The following MAML2 variants were observed in gnomAD, a reference collection of about 807,000 sequenced individuals.
The protein encoded by MAML2 is mastermind-like protein 2.
In MAML2, 22 loss-of-function variants were observed where a neutral mutation model predicts 96.1. The ratio of observed to expected loss-of-function variants is 0.23; its 90% CI spans 0.16 to 0.33. MAML2 has a LOEUF of 0.33. MAML2 is among the 10% of genes least tolerant of loss of function. MAML2 has a pLI of 1.00. For synonymous variants in MAML2, 561 were observed against 521.3 expected, an observed-to-expected ratio of 1.08 and a Z score of -1.04; for missense variants, 1,367 against 1,392.4, an observed-to-expected ratio of 0.98 and a Z score of 0.29.
intron 1 of MAML2, among the ~76,000 whole-genome samples, chr11:96,333,245 A>G (rs1017873630): frequency 6.6e-6 from 1 of 152,210 alleles, no homozygotes; most frequent in Non-Finnish European, 1.5e-5. Context: ...AGGAAGCAAG[A>G]ACACTGTTAA....
chr11:96,018,641 G>C (rs910215454), intron 2 of MAML2, among the ~76,000 whole-genome samples: 11 of 152,334 alleles, frequency 7.2e-5, no homozygotes, highest in Non-Finnish European at 1.5e-4. Flanking sequence ...CCGTCGCCCA[G>C]GCTGGAGTGC....
At position 95,976,817 on chromosome 11, in the gene MAML2, G is replaced by A. The variant is rs1857658413; in HGVS notation, c.*2131C>T. On this transcript the variant is annotated 3_prime_UTR_variant, in exon 5 of 5. Coordinates refer to ENST00000524717, the MANE Select transcript of MAML2 (RefSeq NM_032427.4). ...CAGATATATACAGTAACATGGAGGA[G>A]CCATACAACAAAAGCGTTTATATGT... 1 of 186,130 alleles carries A rather than the reference G, an allele frequency of 5.4e-6. No individual in the cohort carries two copies. 11.5% of individuals were successfully genotyped at this position (186,130 alleles called of 1,614,324 possible). A position where few individuals can be genotyped will look rare whatever the true frequency, so the allele number is the denominator to read the frequency against.
chr11:96,162,063 C>T (rs1861113194), intron 1 of MAML2, among the ~76,000 whole-genome samples: 1 of 152,082 alleles, frequency 6.6e-6, no homozygotes, highest in Non-Finnish European at 1.5e-5. Flanking sequence ...GCTGAGAAGA[C>T]ATCCCAGACC....
At chr11:96,168,541 G>T (rs753614821) in intron 1 of MAML2, among the ~76,000 whole-genome samples, 3 of 152,124 alleles carry the variant, frequency 2.0e-5, no homozygotes, top group Non-Finnish European at 4.4e-5. Context: ...TTTCTGATTT[G>T]GTAATTTTGG....
intron 1 of MAML2, among the ~76,000 whole-genome samples, chr11:96,113,099 T>G (rs1478756186): frequency 6.6e-6 from 1 of 151,974 alleles, no homozygotes; most frequent in Non-Finnish European, 1.5e-5. Context: ...AAAAGGATAG[T>G]TTTTCTAGAA....
At chr11:96,338,848 T>G (rs2136022444) in intron 1 of MAML2, among the ~76,000 whole-genome samples, 1 of 152,274 alleles carries the variant, frequency 6.6e-6, no homozygotes, top group South Asian at 2.1e-4. Flanking sequence ...CCTTTTAAAA[T>G]TAATAGCATA....
chr11:96,144,582 T>C (rs909352749), intron 1 of MAML2, among the ~76,000 whole-genome samples: 3 of 152,164 alleles, frequency 2.0e-5, no homozygotes, highest in Non-Finnish European at 4.4e-5. Context: ...CCTTAGAAGA[T>C]TAGAAGAGAG....
At chr11:96,160,470 C>G (rs557109099) in intron 1 of MAML2, among the ~76,000 whole-genome samples, 13 of 150,640 alleles carry the variant, frequency 8.6e-5, no homozygotes, top group Non-Finnish European at 1.8e-4. Flanking sequence ...CTCTGTCACC[C>G]AGGCTGGAGT....
chr11:96,258,378 T>C (rs1862698014), intron 1 of MAML2, among the ~76,000 whole-genome samples: 1 of 152,222 alleles, frequency 6.6e-6, no homozygotes, highest in Non-Finnish European at 1.5e-5. Context: ...ATGTGGATTA[T>C]ATTTTCTAGT....
At chr11:96,269,398 G>A (rs1862881651) in intron 1 of MAML2, among the ~76,000 whole-genome samples, 1 of 144,962 alleles carries the variant, frequency 6.9e-6, no homozygotes, top group African/African-American at 2.6e-5. Flanking sequence ...TAACATGGTT[G>A]TTACTGAAGG....
chr11:96,098,323 G>A (rs191937966), intron 1 of MAML2, among the ~76,000 whole-genome samples: 1 of 152,332 alleles, frequency 6.6e-6, no homozygotes, highest in African/African-American at 2.4e-5. Context: ...CCTGGCATGA[G>A]GGAAAATATG....
chr11:96,307,497 C>T (rs1863480530), intron 1 of MAML2, among the ~76,000 whole-genome samples: 1 of 152,170 alleles, frequency 6.6e-6, no homozygotes, highest in Non-Finnish European at 1.5e-5. Flanking sequence ...ATACAAAACT[C>T]CCATTCACAT....
At chr11:96,127,821 G>A (rs1196417686) in intron 1 of MAML2, among the ~76,000 whole-genome samples, 1 of 152,162 alleles carries the variant, frequency 6.6e-6, no homozygotes, top group Non-Finnish European at 1.5e-5. Context: ...TTGGTCAGCT[G>A]TTCCTGCTGA....
At chr11:95,983,853 G>A (rs893052606) in intron 4 of MAML2, among the ~76,000 whole-genome samples, 1 of 151,972 alleles carries the variant, frequency 6.6e-6, no homozygotes, top group Non-Finnish European at 1.5e-5. Context: ...GTAAAGCAAA[G>A]CAAAAAAATT....
chr11:96,184,705 T>TCA (rs1294559519), intron 1 of MAML2, among the ~76,000 whole-genome samples: 7 of 150,336 alleles, frequency 4.7e-5, no homozygotes, highest in Non-Finnish European at 8.9e-5. Context: ...TTCTCCTGCC[T>TCA]CAGCCTCTCG....
chr11:96,147,559 T>C (rs141096996), intron 1 of MAML2, among the ~76,000 whole-genome samples: 2,435 of 152,376 alleles, frequency 0.016, 41 homozygotes, highest in Non-Finnish European at 0.026. Flanking sequence ...GATTCGACTC[T>C]TCCATGAGCA....
chr11:96,017,587 A>T (rs1858374470), intron 2 of MAML2, among the ~76,000 whole-genome samples: 1 of 152,208 alleles, frequency 6.6e-6, no homozygotes, highest in Admixed American at 6.5e-5. Context: ...ACTATAAAGA[A>T]AAAGAAAACA....
At chr11:96,163,941 C>A (rs1013977434) in intron 1 of MAML2, among the ~76,000 whole-genome samples, 12 of 149,940 alleles carry the variant, frequency 8.0e-5, no homozygotes, top group Non-Finnish European at 1.5e-4. Context: ...CGGCTCACTG[C>A]AACCTCTGCC....
chr11:96,179,410 T>C (rs1371928403), intron 1 of MAML2, among the ~76,000 whole-genome samples: 1 of 152,192 alleles, frequency 6.6e-6, no homozygotes, highest in East Asian at 1.9e-4. Flanking sequence ...CAGTCCTTCC[T>C]TATTTCTTTA....
Sources: allele counts gnomAD v4.1 joint callset (sites outside exome capture counted in the v4.1 genomes callset), GRCh38; gene constraint gnomAD v4.1.1; transcripts MANE v1.5; gene names NCBI Gene and HGNC (gene_info 2026-07-23, HGNC 2026-07-21).